MED12L: variants seen among roughly 807,000 people sequenced by gnomAD.
MED12L encodes mediator of RNA polymerase II transcription subunit 12-like protein.
Under a neutral mutation model 281.3 loss-of-function variants are expected in MED12L, and 60 were observed. The ratio of observed to expected loss-of-function variants is 0.21; its 90% CI spans 0.17 to 0.26. MED12L has a LOEUF of 0.26. Ranked by LOEUF, MED12L falls within the 10% of genes least tolerant of loss-of-function variation. MED12L has a pLI of 1.00. For missense variants in MED12L, 2,146 were observed against 2,680.9 expected (o/e 0.80, Z 4.41); for synonymous variants, 974 against 987.2 (o/e 0.99, Z 0.25).
intron 5 of MED12L, among the ~76,000 whole-genome samples, chr3:151,145,588 G>A (rs375501098): frequency 6.6e-6 from 1 of 152,178 alleles, no homozygotes; most frequent in African/African-American, 2.4e-5. Context: ...TGCTGGTTGC[G>A]ATATTGTACT....
chr3:151,427,332 C>G (rs1718989448), intron 43 of MED12L, among the ~76,000 whole-genome samples: 1 of 152,152 alleles, frequency 6.6e-6, no homozygotes, highest in Non-Finnish European at 1.5e-5. Flanking sequence ...TCCCAGGAAT[C>G]CCTGGATCAC....
chr3:151,416,286 GTA>G (rs748965334), intron 42 of MED12L, 24 bp from the exon 43 acceptor site: 1 of 1,612,546 alleles, frequency 6.2e-7, no homozygotes, highest in Non-Finnish European at 8.5e-7. Context: ...CCTTTTAAGT[GTA>G]TAACATTTTT....
chr3:151,097,189 T>G (rs900623971), intron 2 of MED12L, among the ~76,000 whole-genome samples: 2 of 152,214 alleles, frequency 1.3e-5, no homozygotes, highest in Non-Finnish European at 2.9e-5. Context: ...GGCAGCTCTC[T>G]TGAGAGAGAC....
At chr3:151,122,708 GAA>G in intron 3 of MED12L, 73 bp from the exon 4 acceptor site, 2 of 1,016,778 alleles carry the variant, frequency 2.0e-6, no homozygotes, top group South Asian at 5.2e-5. Flanking sequence ...AAACAATAAA[GAA>G]AAATACTAAT....
At chr3:151,416,657 CG>C (rs756546681) in intron 43 of MED12L, among the ~76,000 whole-genome samples, 9 of 152,140 alleles carry the variant, frequency 5.9e-5, no homozygotes, top group African/African-American at 1.4e-4. Context: ...CAAAATTTTT[CG>C]GACTGTTCCA....
chr3:151,251,775 C>T (rs1001466268), intron 16 of MED12L, among the ~76,000 whole-genome samples: 6 of 152,180 alleles, frequency 3.9e-5, no homozygotes, highest in South Asian at 4.1e-4. Context: ...CTTCTTTCAC[C>T]TGGCTTATTC....
At chr3:151,367,058 C>G (rs1370419377) in intron 23 of MED12L, among the ~76,000 whole-genome samples, 1 of 152,112 alleles carries the variant, frequency 6.6e-6, no homozygotes, top group African/African-American at 2.4e-5. Context: ...CTGCCAAGGT[C>G]ACGTGAGATC....
intron 16 of MED12L, among the ~76,000 whole-genome samples, chr3:151,250,688 A>G (rs533292248): frequency 1.9e-4 from 29 of 152,330 alleles, no homozygotes; most frequent in Non-Finnish European, 3.5e-4. Context: ...CTTGGGTAGC[A>G]TCCACCTTTT....
At chr3:151,429,943 C>T (rs6771904) in intron 43 of MED12L, among the ~76,000 whole-genome samples, 100,239 of 151,996 alleles carry the variant, frequency 0.66, 34,229 homozygotes, top group Middle Eastern at 0.87. Context: ...AGAGAGCTTT[C>T]ATTTTGCCAG....
At position 151,385,100 on chromosome 3, in the gene MED12L, C is replaced by T; in HGVS notation, c.4997C>T (p.Thr1666Ile). The stretch of plus-strand genomic sequence containing the variant: ...CAGTTACTACCTTTGCCGAAACAGA[C>T]ATGTGATGTCATCACTTGTGAACCT... Reference protein sequence around the residue: ...VRQLLPLPKQTCDVITCEPMG... With the variant: ...VRQLLPLPKQICDVITCEPMG... The change falls in exon 36 of 45, where the codon ACA becomes ATA. Residue 1666 changes from threonine to isoleucine, a missense_variant. Around this residue, in one of 9 missense-constraint regions of MED12L, gnomAD observed 212 missense variants for 340.8 expected, o/e 0.62. Coordinates refer to ENST00000687756, the MANE Select transcript of MED12L (RefSeq NM_001393769.1). 6.2e-7 allele frequency: 1 copy of T among 1,612,656 alleles called. No individual in the cohort carries two copies. Among genetic ancestry groups the T allele is most frequent in the African/African-American group, 1.3e-5 (1 of 74,920 alleles).
At chr3:151,265,904 C>T (rs1234415179) in intron 16 of MED12L, among the ~76,000 whole-genome samples, 2 of 152,126 alleles carry the variant, frequency 1.3e-5, no homozygotes. Flanking sequence ...CAGAGTCTTG[C>T]GGCCCTGAGA....
chr3:151,340,838 C>G (rs1261138042), intron 16 of MED12L: 1 of 152,472 alleles, frequency 6.6e-6, no homozygotes, highest in Non-Finnish European at 1.5e-5. Context: ...CAAAGCTATG[C>G]AGACACTGAA....
At chr3:151,253,147 C>A (rs546669008) in intron 16 of MED12L, among the ~76,000 whole-genome samples, 2 of 152,202 alleles carry the variant, frequency 1.3e-5, no homozygotes, top group African/African-American at 4.8e-5. Flanking sequence ...TTCTGGAGAT[C>A]TGGGGTCATG....
chr3:151,334,257 T>TA (rs63180861), intron 16 of MED12L, among the ~76,000 whole-genome samples: 44 of 138,420 alleles, frequency 3.2e-4, no homozygotes, highest in African/African-American at 7.6e-4. Context: ...TTGCCCCATT[T>TA]AAAAAAAAAA....
At chr3:151,099,318 T>A (rs1293432111) in intron 2 of MED12L, among the ~76,000 whole-genome samples, 1 of 152,226 alleles carries the variant, frequency 6.6e-6, no homozygotes, top group Non-Finnish European at 1.5e-5. Flanking sequence ...GTCTTAAAGA[T>A]TGAGGATCTA....
At chr3:151,317,873 A>G (rs981102139) in intron 16 of MED12L, among the ~76,000 whole-genome samples, 1 of 151,938 alleles carries the variant, frequency 6.6e-6, no homozygotes, top group Admixed American at 6.5e-5. Context: ...TGGAATCAAA[A>G]CCTGTTATTG....
intron 39 of MED12L, among the ~76,000 whole-genome samples, chr3:151,406,764 T>C (rs1358962308): frequency 1.3e-5 from 2 of 151,998 alleles, no homozygotes; most frequent in Admixed American, 1.3e-4. Flanking sequence ...TTTTTAAAAA[T>C]GTAGAATAAT....
chr3:151,240,165 G>A (rs1389795902), intron 16 of MED12L, among the ~76,000 whole-genome samples: 4 of 152,106 alleles, frequency 2.6e-5, no homozygotes, highest in African/African-American at 9.7e-5. Flanking sequence ...CCGTTTTTTA[G>A]AGTGTAGATT....
At chr3:151,309,058 C>T (rs942987372) in intron 16 of MED12L, among the ~76,000 whole-genome samples, 1 of 151,902 alleles carries the variant, frequency 6.6e-6, no homozygotes, top group African/African-American at 2.4e-5. Context: ...AAATAACCCA[C>T]CCTCACCCAT....
Sources: allele counts gnomAD v4.1 joint callset (sites outside exome capture counted in the v4.1 genomes callset), GRCh38; gene constraint gnomAD v4.1.1; regional missense constraint gnomAD v4.1.1; transcripts MANE v1.5; gene names NCBI Gene and HGNC (gene_info 2026-07-23, HGNC 2026-07-21).